LYPLA1: variants seen among roughly 807,000 people sequenced by gnomAD.
LYPLA1 encodes lysophospholipase 1, also known as acyl-protein thioesterase 1.
Under a neutral mutation model 34.0 loss-of-function variants are expected in LYPLA1, and 17 were observed. The observed-to-expected ratio is 0.50, with a 90% CI of 0.34 to 0.75. The LOEUF is 0.75. LYPLA1 is among the 30% of genes least tolerant of loss of function. LYPLA1 has a pLI of 0.01. For synonymous variants in LYPLA1, 98 were observed against 100.8 expected (o/e 0.97, Z 0.17); for missense variants, 203 against 288.8 (o/e 0.70, Z 2.15).
At chr8:54,072,178 G>A (rs1807524736) in intron 2 of LYPLA1, among the ~76,000 whole-genome samples, 1 of 152,126 alleles carries the variant, frequency 6.6e-6, no homozygotes, top group Admixed American at 6.6e-5. Flanking sequence ...ATAACTGGGT[G>A]ACCATATGCA....
At chr8:54,059,299 G>GTTT (rs573966934) in intron 5 of LYPLA1, among the ~76,000 whole-genome samples, 5 of 112,738 alleles carry the variant, frequency 4.4e-5, no homozygotes, top group African/African-American at 4.9e-5. Context: ...TATTTTCCCT[G>GTTT]TTTTTTTTTT....
chr8:54,055,187 T>C, intron 5 of LYPLA1, 54 bp from the exon 6 acceptor site: 1 of 1,032,430 alleles, frequency 9.7e-7, no homozygotes. Context: ...AGCCCACTGA[T>C]AAAATTTAAA....
rs372447255 is a variant in LYPLA1, at chr8:54,048,121, G to T, written c.640-3C>A. 2.6e-4 allele frequency: 417 copies of T among 1,598,716 alleles called. No homozygotes were observed. The highest frequency in any genetic ancestry group is 3.3e-4 in the Non-Finnish European group (390 of 1,167,028). Reference sequence around the variant, plus strand: ...AATTGCTTGACATCCATCATTTCCTGTTTGGAATAAAGTAATTTAATAGGT... The same window carrying T: ...AATTGCTTGACATCCATCATTTCCTTTTTGGAATAAAGTAATTTAATAGGT... On this transcript the variant is annotated splice_region_variant and splice_polypyrimidine_tract_variant and intron_variant, in intron 8 of 8. Transcript: ENST00000316963.
chr8:54,087,427 G>C (rs1397351938), intron 2 of LYPLA1, among the ~76,000 whole-genome samples: 1 of 152,140 alleles, frequency 6.6e-6, no homozygotes, highest in Non-Finnish European at 1.5e-5. Flanking sequence ...GAACCCAGGG[G>C]AGGCAGAGAC....
At chr8:54,073,797 G>C (rs1442926379) in intron 2 of LYPLA1, among the ~76,000 whole-genome samples, 1 of 152,072 alleles carries the variant, frequency 6.6e-6, no homozygotes, top group Non-Finnish European at 1.5e-5. Flanking sequence ...TCAAAAGTCA[G>C]CCATATCTCC....
intron 2 of LYPLA1, among the ~76,000 whole-genome samples, chr8:54,078,639 C>T (rs1489632162): frequency 6.6e-6 from 1 of 152,186 alleles, no homozygotes; most frequent in Non-Finnish European, 1.5e-5. Flanking sequence ...CTACCTGCTG[C>T]TTACTGCTGA....
chr8:54,049,449 G>C (rs1306638445), intron 8 of LYPLA1, among the ~76,000 whole-genome samples: 2 of 151,964 alleles, frequency 1.3e-5, no homozygotes, highest in African/African-American at 2.4e-5. Flanking sequence ...ACTCAGGCTG[G>C]AGTGCAGGGT....
At chr8:54,073,415 AGCTCC>A (rs1394802971) in intron 2 of LYPLA1, 1 of 775,850 alleles carries the variant, frequency 1.3e-6, no homozygotes, top group Admixed American at 1.7e-5. Context: ...TGGCACGGCC[AGCTCC>A]GCTGCTTTCC....
chr8:54,048,232 TTAC>T (rs950135858), intron 8 of LYPLA1, 114 bp from the exon 9 acceptor site: 1 of 647,304 alleles, frequency 1.5e-6, no homozygotes. Flanking sequence ...AATCACATTT[TTAC>T]TACAATTAAA....
chr8:54,089,493 G>T (rs749016696), intron 2 of LYPLA1, among the ~76,000 whole-genome samples: 2 of 93,160 alleles, frequency 2.1e-5, no homozygotes, highest in Non-Finnish European at 3.7e-5. Flanking sequence ...AGACATCCCT[G>T]GGGGGGGGCG....
chr8:54,080,599 G>A (rs35292579), intron 2 of LYPLA1, among the ~76,000 whole-genome samples: 68,944 of 151,884 alleles, frequency 0.45, 16,545 homozygotes, highest in African/African-American at 0.56. Flanking sequence ...TATTTATTAC[G>A]TTTCTTGAGA....
rs913915591 is a variant in LYPLA1 at position 54,085,397 on chromosome 8, A to C, written c.101+15511T>G. On this transcript the variant is annotated intron_variant, in intron 2 of 8. Transcript: ENST00000316963. ...AAAGTGCCGAGATTGCAGCCTCTGC[A>C]CGGCCGCCACCCCATCTAGGAAGTG... Among the ~76,000 whole-genome samples the C allele has an allele frequency of 4.6e-5, 7 of 152,198 alleles. No individual in the cohort carries two copies. The East Asian group carries it at 9.7e-4, about 21-fold the overall frequency.
chr8:54,055,804 C>T (rs111688856), intron 5 of LYPLA1, among the ~76,000 whole-genome samples: 4 of 151,964 alleles, frequency 2.6e-5, no homozygotes, highest in East Asian at 1.9e-4. Flanking sequence ...CCACCATGCC[C>T]GGCTAATTTT....
chr8:54,051,084 T>C lies in LYPLA1; in HGVS notation c.567A>G (p.Leu189=). ...LMFGSLTVEK[L]KTLVNPANVT... ...CATTGGCTGGATTCACCAATGTTTT[T>C]AGTTTTTCCACCGTAAGAGAACCAA... Residue 189 remains leucine, a synonymous_variant, in exon 8 of 9, where the codon CTA becomes CTG. Transcript: ENST00000316963. 3 of 1,614,010 alleles carry C rather than the reference T, an allele frequency of 1.9e-6. No homozygotes were observed. Among genetic ancestry groups the C allele is most frequent in the African/African-American group, 1.3e-5 (1 of 75,054 alleles).
At chr8:54,078,203 C>T (rs1009215684) in intron 2 of LYPLA1, among the ~76,000 whole-genome samples, 29 of 152,136 alleles carry the variant, frequency 1.9e-4, no homozygotes, top group Non-Finnish European at 4.0e-4. Flanking sequence ...CTGCCCTCCT[C>T]AGCCTCCCAA....
At chr8:54,075,988 C>A (rs900515657) in intron 2 of LYPLA1, among the ~76,000 whole-genome samples, 20 of 152,140 alleles carry the variant, frequency 1.3e-4, no homozygotes, top group African/African-American at 4.6e-4. Flanking sequence ...CACGGTCACA[C>A]TATGTTCAGG....
chr8:54,098,791 CTG>C (rs1206943201), intron 2 of LYPLA1, among the ~76,000 whole-genome samples: 1 of 152,200 alleles, frequency 6.6e-6, no homozygotes, highest in African/African-American at 2.4e-5. Context: ...CCACGGGTAA[CTG>C]AAACCATGGG....
chr8:54,083,441 A>G (rs987405356), intron 2 of LYPLA1, among the ~76,000 whole-genome samples: 29 of 152,208 alleles, frequency 1.9e-4, no homozygotes. Context: ...TAAATTTATG[A>G]TTTTTTGATT....
At chr8:54,059,315 T>TTTTTTTTA (rs1806433342) in intron 5 of LYPLA1, among the ~76,000 whole-genome samples, 1 of 72,994 alleles carries the variant, frequency 1.4e-5, no homozygotes, top group African/African-American at 1.3e-4. Flanking sequence ...TTTTTTTTTT[T>TTTTTTTTA]GAGACGGAGT....
Sources: allele counts gnomAD v4.1 joint callset (sites outside exome capture counted in the v4.1 genomes callset), GRCh38; gene constraint gnomAD v4.1.1; transcripts MANE v1.5; gene names NCBI Gene and HGNC (gene_info 2026-07-23, HGNC 2026-07-21).